Variants in USP50 observed in about 807,000 individuals in gnomAD.
USP50 encodes the protein ubiquitin specific peptidase 50.
Under a neutral mutation model 39.2 loss-of-function variants are expected in USP50, and 37 were observed. The ratio of observed to expected loss-of-function variants is 0.94; its 90% confidence interval spans 0.73 to 1.24. USP50 has a LOEUF of 1.24. Ranked by LOEUF, USP50 falls within the 50% of genes most tolerant of loss-of-function variation. The pLI is 0.00. For missense variants in USP50, 374 were observed against 398.2 expected (o/e 0.94, Z 0.52); for synonymous variants, 139 against 144.5 (o/e 0.96, Z 0.27).
intron 4 of USP50, among the ~76,000 whole-genome samples, chr15:50,540,225 C>T (rs1596020449): frequency 6.6e-6 from 1 of 152,180 alleles, no homozygotes; most frequent in Non-Finnish European, 1.5e-5. Flanking sequence ...GCCCACATCC[C>T]CAGTTACAGA....
chr15:50,510,064 AT>A (rs1312185100), intron 6 of USP50: 2 of 152,100 alleles, frequency 1.3e-5, no homozygotes, highest in Non-Finnish European at 2.9e-5. Flanking sequence ...TAAATTTAAT[AT>A]TTTATAGCTA....
At chr15:50,524,598 C>T (rs564848008) in intron 6 of USP50, among the ~76,000 whole-genome samples, 1 of 152,278 alleles carries the variant, frequency 6.6e-6, no homozygotes, top group South Asian at 2.1e-4. Context: ...TGGCTACTAT[C>T]AAAAAGATGA....
At chr15:50,499,031 A>G, downstream of USP50, 2 of 1,613,928 alleles carry the variant, frequency 1.2e-6, no homozygotes, top group South Asian at 2.2e-5. Context: ...AATCTTCAGC[A>G]GCTTATATCC....
intron 6 of USP50, chr15:50,504,997 A>G (rs3098181): frequency 6.7e-6 from 1 of 148,700 alleles, no homozygotes; most frequent in African/African-American, 2.5e-5. Flanking sequence ...AAAAAAAAAA[A>G]GAATAAACTA....
At chr15:50,524,263 T>C (rs540256933) in intron 6 of USP50, among the ~76,000 whole-genome samples, 4 of 151,986 alleles carry the variant, frequency 2.6e-5, no homozygotes, top group Non-Finnish European at 5.9e-5. Context: ...AAAGCAAAAA[T>C]AGACAAAGGG....
intron 6 of USP50, chr15:50,511,309 A>T (rs2052736961): frequency 6.6e-6 from 1 of 152,180 alleles, no homozygotes; most frequent in African/African-American, 2.4e-5. Context: ...CTGGAACCTT[A>T]GTTCCAGTTG....
chr15:50,529,229 G>A (rs894079806), intron 6 of USP50, among the ~76,000 whole-genome samples: 1 of 152,008 alleles, frequency 6.6e-6, no homozygotes, highest in Non-Finnish European at 1.5e-5. Flanking sequence ...GCTATCAGAG[G>A]CTGGGCATGG....
intron 6 of USP50, among the ~76,000 whole-genome samples, chr15:50,517,979 C>T (rs374986817): frequency 2.6e-5 from 4 of 152,298 alleles, no homozygotes; most frequent in Middle Eastern, 3.4e-3. Flanking sequence ...GGATTAATGA[C>T]GTGAGTCATC....
chr15:50,531,142 T>G (rs548080197), intron 5 of USP50, among the ~76,000 whole-genome samples: 8 of 152,238 alleles, frequency 5.3e-5, no homozygotes, highest in Middle Eastern at 3.4e-3. Flanking sequence ...GACATTCTTG[T>G]GTCAGAAAGC....
At chr15:50,542,598 T>G (rs1185659051) in intron 3 of USP50, among the ~76,000 whole-genome samples, 2 of 151,288 alleles carry the variant, frequency 1.3e-5, no homozygotes, top group Non-Finnish European at 2.9e-5. Context: ...AAGCGATTCT[T>G]GTGCCTCAGC....
At chr15:50,531,072 T>C (rs2052936831) in intron 5 of USP50, among the ~76,000 whole-genome samples, 1 of 152,110 alleles carries the variant, frequency 6.6e-6, no homozygotes, top group Non-Finnish European at 1.5e-5. Flanking sequence ...AAAATATAAT[T>C]ATGTTCATTT....
intron 3 of USP50, among the ~76,000 whole-genome samples, chr15:50,541,481 C>T (rs765085706): frequency 1.3e-5 from 2 of 151,902 alleles, no homozygotes; most frequent in Non-Finnish European, 2.9e-5. Context: ...CTACTGCACT[C>T]CAGCCTGGGT....
At position 50,529,936 on chromosome 15, in the gene USP50, G is replaced by A; in HGVS notation, c.804-7C>T. The A allele has an allele frequency of 1.2e-6, 2 of 1,612,838 alleles. No individual in the cohort carries two copies. Among genetic ancestry groups the A allele is most frequent in the Non-Finnish European group, 1.7e-6 (2 of 1,179,614 alleles). ...TGTACCCTGAATGTCAAACCTGCAG[G>A]TATAATAAATGTGTGAAATACAAAG... On this transcript the variant is annotated splice_region_variant and splice_polypyrimidine_tract_variant and intron_variant, in intron 5 of 6. Transcript: ENST00000532404.
chr15:50,515,342 C>T (rs960826106), intron 6 of USP50, among the ~76,000 whole-genome samples: 6 of 151,880 alleles, frequency 4.0e-5, no homozygotes, highest in Admixed American at 6.6e-5. Flanking sequence ...CCCGGGTTCA[C>T]GCCATTCTCC....
At chr15:50,496,217 A>T, downstream of USP50, 1 of 710,882 alleles carries the variant, frequency 1.4e-6, no homozygotes, top group Non-Finnish European at 2.3e-6. Context: ...GCAGTGGCTC[A>T]TACCTTGTAC....
chr15:50,521,581 C>CA (rs1406471827), intron 6 of USP50, among the ~76,000 whole-genome samples: 1 of 152,038 alleles, frequency 6.6e-6, no homozygotes, highest in Non-Finnish European at 1.5e-5. Flanking sequence ...ACAACAACAA[C>CA]AAAATCAATG....
chr15:50,519,374 T>C (rs1165367810), intron 6 of USP50, among the ~76,000 whole-genome samples: 1 of 152,012 alleles, frequency 6.6e-6, no homozygotes, highest in Non-Finnish European at 1.5e-5. Context: ...CCAACAGCTA[T>C]ATGAAAAAAT....
intron 6 of USP50, chr15:50,514,072 T>C (rs919127977): frequency 4.6e-5 from 7 of 152,236 alleles, no homozygotes; most frequent in Admixed American, 3.9e-4. Flanking sequence ...AATGGAATAC[T>C]ATACAGCAAT....
chr15:50,513,326 G>T (rs1162255423), intron 6 of USP50: 1 of 152,032 alleles, frequency 6.6e-6, no homozygotes, highest in Non-Finnish European at 1.5e-5. Context: ...GATAATTTAT[G>T]ATATATTCAC....
Sources: gnomAD v4.1 joint callset for allele counts (sites outside exome capture counted in the v4.1 genomes callset) on GRCh38, gnomAD v4.1.1 for gene constraint, MANE v1.5 for transcripts, NCBI Gene and HGNC (gene_info 2026-07-23, HGNC 2026-07-21) for gene names.